Variants in CALN1 observed in about 807,000 individuals in gnomAD.
The protein encoded by CALN1 is calneuron 1.
CALN1 carries 17 observed loss-of-function variants against 30.6 expected under a neutral mutation model. That is an observed-to-expected ratio of 0.56 (90% CI 0.38 to 0.83). CALN1 has a LOEUF of 0.83. Ranked by LOEUF, CALN1 falls within the 40% of genes least tolerant of loss-of-function variation. CALN1 has a pLI of 0.00. For missense variants in CALN1, 291 were observed against 354.9 expected (o/e 0.82, Z 1.45); for synonymous variants, 156 against 131.4 (o/e 1.19, Z -1.28).
At chr7:72,295,262 T>C (rs1798770962) in intron 2 of CALN1, among the ~76,000 whole-genome samples, 1 of 152,216 alleles carries the variant, frequency 6.6e-6, no homozygotes, top group African/African-American at 2.4e-5. Flanking sequence ...AATTACGGGC[T>C]ATCTTTAAAG....
chr7:71,810,998 G>A (rs1051921769), intron 5 of CALN1, among the ~76,000 whole-genome samples: 3 of 151,098 alleles, frequency 2.0e-5, no homozygotes, highest in Middle Eastern at 3.2e-3. Context: ...GAGTTCAAGC[G>A]ATTCTCCTGC....
At chr7:71,855,047 G>A (rs1459892822) in intron 5 of CALN1, among the ~76,000 whole-genome samples, 1 of 152,176 alleles carries the variant, frequency 6.6e-6, no homozygotes, top group African/African-American at 2.4e-5. Flanking sequence ...GGCTGAAAGT[G>A]ATTTAGAACA....
intron 2 of CALN1, among the ~76,000 whole-genome samples, chr7:72,313,842 C>T (rs760464917): frequency 6.6e-6 from 1 of 152,104 alleles, no homozygotes; most frequent in Non-Finnish European, 1.5e-5. Context: ...CCCCTGTAAA[C>T]TACAAGGAAA....
chr7:72,500,023 T>A, the CALN1 span, among the ~76,000 whole-genome samples: 4 of 151,406 alleles, frequency 2.6e-5, no homozygotes, highest in Non-Finnish European at 5.9e-5. Flanking sequence ...GCGATTCTCC[T>A]GCCTCCGCCT....
chr7:72,316,569 C>T (rs922222271), intron 2 of CALN1, among the ~76,000 whole-genome samples: 5 of 151,994 alleles, frequency 3.3e-5, no homozygotes, highest in South Asian at 2.1e-4. Context: ...AGTGGGATTA[C>T]GAGTGAATTT....
rs1365038474 is a variant in CALN1 at position 72,168,467 on chromosome 7, G to A, written c.245-62173C>T. Among the ~76,000 whole-genome samples the A allele has an allele frequency of 2.6e-5, 4 of 152,104 alleles. No homozygotes were observed. In the East Asian group the frequency reaches 7.7e-4, roughly 29 times the overall value. On this transcript the variant is annotated intron_variant, in intron 3 of 6. Transcript: ENST00000395275. ...TTTTCTAATGAATCTACAGCTCAGG[G>A]CTTTAAAATGTGGATCTTTTAAAAT... is the stretch of plus-strand genomic sequence containing the variant.
chr7:72,374,791 T>G lies in CALN1; in HGVS notation c.119+28460A>C, dbSNP rs115252634. On this transcript the variant is annotated intron_variant, in intron 2 of 6. Coordinates refer to ENST00000395275, the MANE Select transcript of CALN1 (RefSeq NM_031468.4). ...CTCATGTATCACCTTCTCCTAAGCA[T>G]GAGGTTATTTAACGTTTTGTTTGAA... 1.8e-3 allele frequency among the ~76,000 whole-genome samples: 281 copies of G among 152,312 alleles called. 2 individuals are homozygous for G. Among genetic ancestry groups the G allele is most frequent in the African/African-American group, 6.2e-3 (259 of 41,568 alleles).
intron 2 of CALN1, among the ~76,000 whole-genome samples, chr7:72,331,812 C>T (rs1801698566): frequency 6.6e-6 from 1 of 152,090 alleles, no homozygotes. Context: ...AGGTATTAAG[C>T]CCAGAATCCA....
the CALN1 span, among the ~76,000 whole-genome samples, chr7:72,496,263 C>T: frequency 6.6e-6 from 1 of 152,136 alleles, no homozygotes; most frequent in Non-Finnish European, 1.5e-5. Context: ...CTTATTTTTA[C>T]ACTTGTTAAG....
intron 5 of CALN1, among the ~76,000 whole-genome samples, chr7:71,981,508 A>G (rs1298711763): frequency 6.6e-6 from 1 of 152,138 alleles, no homozygotes; most frequent in Non-Finnish European, 1.5e-5. Context: ...TACTAAAAAT[A>G]CAAAAATTAG....
intron 3 of CALN1, among the ~76,000 whole-genome samples, chr7:72,107,780 C>A (rs944684287): frequency 6.6e-6 from 1 of 152,096 alleles, no homozygotes; most frequent in South Asian, 2.1e-4. Flanking sequence ...CTTTCTATTC[C>A]GTGAGAAGCA....
intron 3 of CALN1, among the ~76,000 whole-genome samples, chr7:72,134,267 G>A (rs1809356380): frequency 6.6e-6 from 1 of 152,172 alleles, no homozygotes; most frequent in Admixed American, 6.5e-5. Flanking sequence ...TTCCAGAATT[G>A]TGGGAAATAA....
At chr7:72,222,948 G>A (rs867106407) in intron 3 of CALN1, among the ~76,000 whole-genome samples, 3 of 152,158 alleles carry the variant, frequency 2.0e-5, no homozygotes, top group African/African-American at 2.4e-5. Context: ...TTCAGCCCAG[G>A]AGTTAGAGGC....
chr7:71,846,916 ATATG>A (rs1488124653), intron 5 of CALN1, among the ~76,000 whole-genome samples: 3 of 146,764 alleles, frequency 2.0e-5, no homozygotes, highest in Admixed American at 1.4e-4. Context: ...ATACATACAT[ATATG>A]TATATTATAT....
intron 5 of CALN1, among the ~76,000 whole-genome samples, chr7:71,918,171 A>G (rs1399726237): frequency 6.6e-6 from 1 of 152,186 alleles, no homozygotes; most frequent in South Asian, 2.1e-4. Context: ...GCTTATCACC[A>G]TTCTTAGGAA....
chr7:71,906,756 T>A (rs1410428177), intron 5 of CALN1, among the ~76,000 whole-genome samples: 1 of 152,128 alleles, frequency 6.6e-6, no homozygotes, highest in East Asian at 1.9e-4. Flanking sequence ...AGATCTGGCA[T>A]CCAGACAGAG....
intron 5 of CALN1, among the ~76,000 whole-genome samples, chr7:71,838,882 T>C (rs770299416): frequency 7.2e-5 from 11 of 152,194 alleles, no homozygotes; most frequent in Non-Finnish European, 1.6e-4. Context: ...CATACTGAAC[T>C]GTGAGTCAAT....
intron 5 of CALN1, among the ~76,000 whole-genome samples, chr7:71,864,938 T>G (rs1328728539): frequency 1.3e-5 from 2 of 151,850 alleles, no homozygotes; most frequent in Non-Finnish European, 2.9e-5. Context: ...GGGAGGTGGA[T>G]GTTGCAGTGA....
intron 1 of CALN1, among the ~76,000 whole-genome samples, chr7:72,407,206 C>G (rs1393716666): frequency 3.3e-5 from 5 of 152,200 alleles, no homozygotes; most frequent in Non-Finnish European, 5.9e-5. Flanking sequence ...GCTGTGTGAC[C>G]TTGGGCAAGT....
Sources: gnomAD v4.1 joint callset for allele counts (sites outside exome capture counted in the v4.1 genomes callset) on GRCh38, gnomAD v4.1.1 for gene constraint, MANE v1.5 for transcripts, NCBI Gene and HGNC (gene_info 2026-07-23, HGNC 2026-07-21) for gene names.